The following ITPK1 variants were observed in gnomAD, a reference collection of about 807,000 sequenced individuals.
ITPK1 encodes inositol 1,3,4-trisphosphate 5/6-kinase.
Under a neutral mutation model 45.3 loss-of-function variants are expected in ITPK1, and 21 were observed. The ratio of observed to expected loss-of-function variants is 0.46; its 90% confidence interval spans 0.33 to 0.67. The LOEUF is 0.67. ITPK1 is among the 30% of genes least tolerant of loss of function. The pLI is 0.02. For synonymous variants in ITPK1, 258 were observed against 253.6 expected, an observed-to-expected ratio of 1.02 and a Z score of -0.16; for missense variants, 474 against 573.5, an observed-to-expected ratio of 0.83 and a Z score of 1.77.
rs545776590 is a variant in ITPK1, at chr14:92,995,277, C to T, written c.247-1280G>A. The stretch of plus-strand genomic sequence containing the variant: ...TCCGCCCAGCCAGCCCCCCTGCCCT[C>T]TGCTCACCCACTCCACAGCCCGTCA... On this transcript the variant is annotated intron_variant, in intron 4 of 10. Transcript: ENST00000267615. Among the ~76,000 whole-genome samples the T allele has an allele frequency of 3.3e-5, 5 of 152,350 alleles. No homozygotes were observed. The East Asian group carries it at 7.7e-4, about 24-fold the overall frequency.
At chr14:92,970,195 T>C (rs1244775061) in intron 5 of ITPK1, among the ~76,000 whole-genome samples, 2 of 152,174 alleles carry the variant, frequency 1.3e-5, no homozygotes, top group Admixed American at 6.5e-5. Flanking sequence ...AATGAGCACC[T>C]GAAGGGGCAG....
chr14:93,082,145 G>T lies in ITPK1; in HGVS notation c.96-5526C>A, dbSNP rs573822979. ...GGGGAGGACATAGCAGGGGTGGGGT[G>T]GGGGGCAGCCCTTGCAGGTCTTGGG... On this transcript the variant is annotated intron_variant, in intron 2 of 10. Transcript: ENST00000267615. Among the ~76,000 whole-genome samples, 4 of 148,800 alleles carry T rather than the reference G, an allele frequency of 2.7e-5. No homozygotes were observed. The South Asian group carries it at 8.6e-4, about 32-fold the overall frequency.
intron 4 of ITPK1, among the ~76,000 whole-genome samples, chr14:93,001,964 C>A (rs953628057): frequency 2.6e-5 from 4 of 152,166 alleles, no homozygotes; most frequent in Admixed American, 6.5e-5. Context: ...TCACCACGCA[C>A]GGGTCACAGA....
At chr14:93,091,593 G>A (rs541929201) in intron 2 of ITPK1, among the ~76,000 whole-genome samples, 35 of 152,280 alleles carry the variant, frequency 2.3e-4, no homozygotes, top group African/African-American at 7.2e-4. Context: ...TCTACACCTC[G>A]GTTTTCCGGC....
chr14:92,938,112 A>C lies in ITPK1; in HGVS notation c.*3449T>G. The C allele has an allele frequency of 3.8e-6, 1 of 260,140 alleles. No homozygotes were observed. The highest frequency in any genetic ancestry group is 5.6e-5 in the South Asian group (1 of 18,004). 16.1% of individuals were successfully genotyped at this position (260,140 alleles called of 1,614,324 possible). A position where few individuals can be genotyped will look rare whatever the true frequency, so the allele number is the denominator to read the frequency against. ...GTAGCTGGGACTACAGGCGCCCACCACCATGTCCAGCTAATTTTTGTATTT... is the reference window on the plus strand; with the variant it reads ...GTAGCTGGGACTACAGGCGCCCACCCCCATGTCCAGCTAATTTTTGTATTT... On this transcript the variant is annotated 3_prime_UTR_variant, in exon 11 of 11. Coordinates refer to ENST00000267615, the MANE Select transcript of ITPK1 (RefSeq NM_014216.6).
chr14:93,035,638 T>C (rs1430160453), intron 3 of ITPK1, among the ~76,000 whole-genome samples: 1 of 152,214 alleles, frequency 6.6e-6, no homozygotes, highest in Non-Finnish European at 1.5e-5. Flanking sequence ...CCTGTCTGGC[T>C]GCTGTGACAC....
intron 2 of ITPK1, among the ~76,000 whole-genome samples, chr14:93,077,054 G>T (rs931562634): frequency 2.6e-5 from 4 of 152,118 alleles, no homozygotes; most frequent in Non-Finnish European, 5.9e-5. Flanking sequence ...AGCCAGTCAT[G>T]CCCCAACCCA....
In ITPK1 at chr14:92,937,171, G is replaced by A. The variant is rs186014215; in HGVS notation, c.*4390C>T. The A allele has an allele frequency of 1.3e-5, 2 of 152,390 alleles. No homozygotes were observed. The highest frequency in any genetic ancestry group is 4.8e-5 in the African/African-American group (2 of 41,588). The allele number at this position is 152,390 out of a possible 1,614,324, so 9.4% of individuals were successfully genotyped here. On this transcript the variant is annotated 3_prime_UTR_variant, in exon 11 of 11. Transcript: ENST00000267615. ...AATGAGCCAATGGACAGAAGCCATG[G>A]TGTCTGTATCTCATACATGGTCATG... is the stretch of plus-strand genomic sequence containing the variant.
In ITPK1 at chr14:92,938,544, T is replaced by C. The variant is rs763211487; in HGVS notation, c.*3017A>G. The C allele has an allele frequency of 1.1e-5, 17 of 1,609,410 alleles. No homozygotes were observed. The East Asian group carries it at 3.6e-4, about 34-fold the overall frequency. ...GCAGTCCCCTGGGTACAGAGAGGAA[T>C]GTTTTTCCCAGGTTGCTTTCTCCTT... On this transcript the variant is annotated 3_prime_UTR_variant, in exon 11 of 11. Transcript: ENST00000267615.
At chr14:93,109,668 G>A (rs890466715) in intron 2 of ITPK1, among the ~76,000 whole-genome samples, 2 of 152,152 alleles carry the variant, frequency 1.3e-5, no homozygotes, top group African/African-American at 2.4e-5. Context: ...CACCTCCTGG[G>A]GGGCTGTAAT....
chr14:93,011,688 A>G (rs1002756457), intron 4 of ITPK1, among the ~76,000 whole-genome samples: 16 of 152,116 alleles, frequency 1.1e-4, no homozygotes, highest in African/African-American at 3.9e-4. Flanking sequence ...ATGCAGGGGC[A>G]CCTGGGGCTG....
Position 92,962,864 on chromosome 14 carries a change from A to C in ITPK1, c.365-15T>G, listed in dbSNP as rs776150632. On this transcript the variant is annotated splice_polypyrimidine_tract_variant and intron_variant, in intron 5 of 10. Coordinates refer to ENST00000267615, the MANE Select transcript of ITPK1 (RefSeq NM_014216.6). ...GATCCTGTCGTCTAGGGCAGAAGGG[A>C]GGCCTGGTCAGCACAGCTCCTGGGC... 11 of 1,590,412 alleles carry C rather than the reference A, an allele frequency of 6.9e-6. No homozygotes were observed. The East Asian group carries it at 8.9e-5, about 13-fold the overall frequency.
In ITPK1 at chr14:92,940,109, T is replaced by C; in HGVS notation, c.*1452A>G. ...GCCTCCCTCCTCAAAGTGGGCATCC[T>C]GCAGCCCAGCTGAGCCAGGCCGAAG... On this transcript the variant is annotated 3_prime_UTR_variant, in exon 11 of 11. Transcript: ENST00000267615. 1.0e-6 allele frequency: 1 copy of C among 985,814 alleles called. No homozygotes were observed. The highest frequency in any genetic ancestry group is 1.7e-5 in the African/African-American group (1 of 57,384). The allele number at this position is 985,814 out of a possible 1,614,324, so 61.1% of individuals were successfully genotyped here. A position where few individuals can be genotyped will look rare whatever the true frequency, so the allele number is the denominator to read the frequency against.
intron 4 of ITPK1, among the ~76,000 whole-genome samples, chr14:93,008,689 A>G (rs555497458): frequency 6.6e-6 from 1 of 152,236 alleles, no homozygotes; most frequent in Non-Finnish European, 1.5e-5. Flanking sequence ...GATTTATTAC[A>G]TGAAGACAAA....
chr14:93,031,631 C>G (rs1235331955), intron 3 of ITPK1, among the ~76,000 whole-genome samples: 1 of 152,074 alleles, frequency 6.6e-6, no homozygotes, highest in Non-Finnish European at 1.5e-5. Flanking sequence ...TAATGAGGGC[C>G]ATAGACCCCC....
chr14:92,969,088 G>A (rs946547915), intron 5 of ITPK1, among the ~76,000 whole-genome samples: 3 of 152,152 alleles, frequency 2.0e-5, no homozygotes, highest in Non-Finnish European at 4.4e-5. Flanking sequence ...CACCCATGAA[G>A]TGAGAGTAAA....
Position 92,941,329 on chromosome 14 carries a change from C to G in ITPK1, c.*232G>C. On this transcript the variant is annotated 3_prime_UTR_variant, in exon 11 of 11. Transcript: ENST00000267615. ...TGTAAACTCAGTTAGGAGGTCTGCA[C>G]AGTAGAGAGCAGGCGGACGGCCCCA... 1 of 1,411,118 alleles carries G rather than the reference C, an allele frequency of 7.1e-7. No homozygotes were observed. Among genetic ancestry groups the G allele is most frequent in the Non-Finnish European group, 9.2e-7 (1 of 1,090,080 alleles). The allele number at this position is 1,411,118 out of a possible 1,614,324, so 87.4% of individuals were successfully genotyped here. A position where few individuals can be genotyped will look rare whatever the true frequency, so the allele number is the denominator to read the frequency against.
At chr14:92,947,863 G>C (rs1038398413) in intron 9 of ITPK1, among the ~76,000 whole-genome samples, 5 of 152,274 alleles carry the variant, frequency 3.3e-5, no homozygotes, top group Admixed American at 1.3e-4. Flanking sequence ...TTCTGCTCCG[G>C]GGTACACACC....
chr14:92,959,334 T>A (rs980920405), intron 7 of ITPK1, among the ~76,000 whole-genome samples: 23 of 152,142 alleles, frequency 1.5e-4, no homozygotes, highest in Non-Finnish European at 8.8e-5. Flanking sequence ...TGAGCAGGGA[T>A]AATGGGCCCC....
Sources: gnomAD v4.1 joint callset for allele counts (sites outside exome capture counted in the v4.1 genomes callset) on GRCh38, gnomAD v4.1.1 for gene constraint, MANE v1.5 for transcripts, NCBI Gene and HGNC (gene_info 2026-07-23, HGNC 2026-07-21) for gene names.